Variants in PKHD1 observed in about 807,000 individuals in gnomAD.
PKHD1 encodes fibrocystin.
PKHD1 carries 291 observed loss-of-function variants against 412.0 expected under a neutral mutation model. That is an observed-to-expected ratio of 0.71 (90% CI 0.64 to 0.78). The LOEUF (loss-of-function observed/expected upper bound fraction) is 0.78, where lower values mean the gene tolerates loss of function less well. PKHD1 is among the 30% of genes least tolerant of loss of function. The pLI, the probability that PKHD1 is intolerant of heterozygous loss-of-function variation, is 0.00. For missense variants in PKHD1, 4,825 were observed against 4,950.7 expected (o/e 0.97, Z 0.76); for synonymous variants, 1,777 against 1,821.5 (o/e 0.98, Z 0.62).
chr6:51,734,131 C>G (rs184189607), intron 60 of PKHD1, among the ~76,000 whole-genome samples: 1,622 of 152,260 alleles, frequency 0.011, 55 homozygotes, highest in Admixed American at 0.041. Context: ...ATTCTCTAGT[C>G]AAAAAGCTTG....
In PKHD1 at chr6:51,976,601, A is replaced by T. The variant is rs1794472514; in HGVS notation, c.5752-16575T>A. Among the ~76,000 whole-genome samples the T allele has an allele frequency of 1.3e-5, 2 of 152,238 alleles. 1 individual carries two copies. The highest frequency in any genetic ancestry group is 4.1e-4 in the South Asian group (2 of 4,832). On this transcript the variant is annotated intron_variant, in intron 35 of 66. Coordinates refer to ENST00000371117, the MANE Select transcript of PKHD1 (RefSeq NM_138694.4). ...AACAATCTAGATGTACTAAATGTAC[A>T]CTTAAAATTAGTTAAAATGGTAAAT...
intron 8 of PKHD1, 91 bp downstream of exon 8, chr6:52,072,024 G>A: frequency 1.2e-6 from 1 of 806,404 alleles, no homozygotes; most frequent in South Asian, 1.3e-5. Flanking sequence ...TATATGGTGA[G>A]TGGGGAGAGA....
intron 52 of PKHD1, among the ~76,000 whole-genome samples, chr6:51,816,850 G>A (rs774092098): frequency 2.6e-5 from 4 of 152,106 alleles, no homozygotes; most frequent in Non-Finnish European, 5.9e-5. Flanking sequence ...ATTTGCAAAC[G>A]GTTCTTTGCT....
chr6:52,085,365 C>T (rs918146740), intron 1 of PKHD1, among the ~76,000 whole-genome samples: 1 of 152,176 alleles, frequency 6.6e-6, no homozygotes, highest in South Asian at 2.1e-4. Context: ...CCTGTGCTGG[C>T]GTCCAGCTTT....
intron 14 of PKHD1, 87 bp downstream of exon 14, chr6:52,062,432 C>T: frequency 7.4e-7 from 1 of 1,357,006 alleles, no homozygotes; most frequent in Non-Finnish European, 1.1e-6. Context: ...TCCTGGAAAT[C>T]TTGATACCTT....
intron 51 of PKHD1, among the ~76,000 whole-genome samples, chr6:51,834,543 C>T (rs1562420178): frequency 6.6e-6 from 1 of 151,994 alleles, no homozygotes; most frequent in Non-Finnish European, 1.5e-5. Context: ...GATGTGTTAA[C>T]TCATTCATTC....
Position 51,753,188 on chromosome 6 carries a change from A to T in PKHD1, c.8950+13T>A. Reference sequence around the variant, plus strand: ...CCAACTGGTAATGGCCAATTACTTAAAATTTCATTTACCTGAAAATTCTTC... The same window carrying T: ...CCAACTGGTAATGGCCAATTACTTATAATTTCATTTACCTGAAAATTCTTC... On this transcript the variant is annotated intron_variant, in intron 57 of 66. Coordinates refer to ENST00000371117, the MANE Select transcript of PKHD1 (RefSeq NM_138694.4). 2.5e-6 allele frequency: 4 copies of T among 1,613,000 alleles called. No individual in the cohort carries two copies. Among genetic ancestry groups the T allele is most frequent in the Non-Finnish European group, 3.4e-6 (4 of 1,179,080 alleles).
chr6:51,934,054 T>C, intron 37 of PKHD1, 56 bp downstream of exon 37: 3 of 1,364,142 alleles, frequency 2.2e-6, no homozygotes, highest in Non-Finnish European at 3.2e-6. Flanking sequence ...GTTTTATCAG[T>C]TTCCACTGCT....
In PKHD1 at chr6:51,674,704, A is replaced by T. The variant is rs141951992; in HGVS notation, c.10157-14735T>A. 2.2e-3 allele frequency among the ~76,000 whole-genome samples: 331 copies of T among 152,304 alleles called. 1 individual carries two copies. The highest frequency in any genetic ancestry group is 7.7e-3 in the African/African-American group (322 of 41,562). On this transcript the variant is annotated intron_variant, in intron 60 of 66. Coordinates refer to ENST00000371117, the MANE Select transcript of PKHD1 (RefSeq NM_138694.4). Reference sequence around the variant, plus strand: ...AGGGTGATGATTTATCCTGTGAGAAAGGGGCTGTAATAACTAGAAGTTCTC... The same window carrying T: ...AGGGTGATGATTTATCCTGTGAGAATGGGGCTGTAATAACTAGAAGTTCTC...
At chr6:52,032,670 T>C (rs1334844410) in intron 29 of PKHD1, among the ~76,000 whole-genome samples, 1 of 152,238 alleles carries the variant, frequency 6.6e-6, no homozygotes, top group East Asian at 1.9e-4. Context: ...GATCTGTAAA[T>C]TGAAGCTAAT....
At chr6:51,623,517 A>T (rs892262032) in intron 66 of PKHD1, among the ~76,000 whole-genome samples, 8 of 152,188 alleles carry the variant, frequency 5.3e-5, no homozygotes, top group Non-Finnish European at 7.3e-5. Flanking sequence ...AGTTATTCTT[A>T]AAAAAGCATA....
At chr6:51,990,535 T>C (rs1303843889) in intron 35 of PKHD1, among the ~76,000 whole-genome samples, 1 of 152,232 alleles carries the variant, frequency 6.6e-6, no homozygotes, top group African/African-American at 2.4e-5. Flanking sequence ...AATTATGGGC[T>C]ATACAAAGAA....
At chr6:51,972,855 A>G (rs1335167835) in intron 35 of PKHD1, among the ~76,000 whole-genome samples, 4 of 152,226 alleles carry the variant, frequency 2.6e-5, no homozygotes, top group Non-Finnish European at 5.9e-5. Flanking sequence ...CGTAGAGATA[A>G]TTGAATAACA....
At chr6:51,750,841 A>G (rs1786000546) in intron 57 of PKHD1, among the ~76,000 whole-genome samples, 1 of 152,148 alleles carries the variant, frequency 6.6e-6, no homozygotes, top group African/African-American at 2.4e-5. Context: ...CAGTGGCATG[A>G]TCTCAGCTCA....
chr6:51,906,974 T>C (rs1244884788), intron 40 of PKHD1, among the ~76,000 whole-genome samples: 1 of 152,106 alleles, frequency 6.6e-6, no homozygotes, highest in African/African-American at 2.4e-5. Flanking sequence ...GATCCCCAGA[T>C]CTGGTTACGA....
chr6:51,885,890 A>C lies in PKHD1; in HGVS notation c.7192T>G (p.Trp2398Gly), dbSNP rs762553057. ...GTTLFQSFTV[W>G]ESAGGAQIFR... Reference sequence around the variant, plus strand: ...ACCTGGGCACCACCTGCACTTTCCCAAACTGTGAAGCTCTGGAACAGAGTG... The same window carrying C: ...ACCTGGGCACCACCTGCACTTTCCCCAACTGTGAAGCTCTGGAACAGAGTG... Residue 2398 changes from tryptophan (W) to glycine (G), a missense_variant, in exon 45 of 67, where the codon TGG becomes GGG. Physicochemically the swap from Trp to Gly is radical, Grantham distance 184. Transcript: ENST00000371117. The C allele has an allele frequency of 7.4e-5, 120 of 1,612,546 alleles. No individual in the cohort carries two copies. Among genetic ancestry groups the C allele is most frequent in the Non-Finnish European group, 9.5e-5 (112 of 1,178,952 alleles).
intron 29 of PKHD1, among the ~76,000 whole-genome samples, chr6:52,032,433 T>C (rs1803202728): frequency 6.6e-6 from 1 of 152,230 alleles, no homozygotes; most frequent in African/African-American, 2.4e-5. Flanking sequence ...TTGGTGCTAA[T>C]GAATCCATTA....
chr6:52,006,381 T>G (rs546692552), intron 35 of PKHD1, among the ~76,000 whole-genome samples: 3 of 150,990 alleles, frequency 2.0e-5, no homozygotes, highest in African/African-American at 7.3e-5. Context: ...GTTGTTTGTT[T>G]GTTTGTTTGT....
chr6:52,083,621 T>A (rs963780597), intron 2 of PKHD1, among the ~76,000 whole-genome samples: 2 of 152,174 alleles, frequency 1.3e-5, no homozygotes, highest in East Asian at 3.9e-4. Flanking sequence ...ATCAAACCCA[T>A]ACTGTCTCTC....
Sources: gnomAD v4.1 joint callset for allele counts (sites outside exome capture counted in the v4.1 genomes callset) on GRCh38, gnomAD v4.1.1 for gene constraint, MANE v1.5 for transcripts, NCBI Gene and HGNC (gene_info 2026-07-23, HGNC 2026-07-21) for gene names.